RNF128: variants seen among roughly 807,000 people sequenced by gnomAD.
The protein encoded by RNF128 is E3 ubiquitin-protein ligase RNF128.
RNF128 carries 13 observed loss-of-function variants against 26.2 expected under a neutral mutation model. The ratio of observed to expected loss-of-function variants is 0.50; its 90% CI spans 0.32 to 0.79. The LOEUF (loss-of-function observed/expected upper bound fraction) is 0.79, where lower values mean the gene tolerates loss of function less well. RNF128 is among the 30% of genes least tolerant of loss of function. The probability of loss-of-function intolerance (pLI) is 0.03; values close to 1 mark genes in which losing one functional copy is unlikely to be tolerated. For synonymous variants in RNF128, 149 were observed against 142.5 expected, an observed-to-expected ratio of 1.05 and a Z score of -0.32; for missense variants, 315 against 349.7, an observed-to-expected ratio of 0.90 and a Z score of 0.79.
intron 1 of RNF128, among the ~76,000 whole-genome samples, chrX:106,737,039 G>A (rs181793175): frequency 2.6e-3 from 289 of 111,094 alleles, no homozygotes; most frequent in African/African-American, 9.2e-3. Flanking sequence ...TCTGTGTCAT[G>A]TTGACCAAAG....
At chrX:106,780,330 A>G (rs1930543201) in intron 2 of RNF128, among the ~76,000 whole-genome samples, 1 of 111,500 alleles carries the variant, frequency 9.0e-6, no homozygotes, top group Non-Finnish European at 1.9e-5. Flanking sequence ...TTGGTTTGAC[A>G]TTTTATCATC....
intron 6 of RNF128, among the ~76,000 whole-genome samples, chrX:106,792,249 A>C (rs1930840514): frequency 9.1e-6 from 1 of 109,892 alleles, no homozygotes; most frequent in South Asian, 3.9e-4. Flanking sequence ...GTACTCTCAT[A>C]ATTGTGTGGT....
chrX:106,700,907 A>G (rs1216101308), intron 1 of RNF128, among the ~76,000 whole-genome samples: 1 of 112,081 alleles, frequency 8.9e-6, no homozygotes, highest in African/African-American at 3.2e-5. Context: ...ATTGCATTAT[A>G]TTAATATTGC....
chrX:106,770,918 G>C (rs775964318), intron 1 of RNF128, among the ~76,000 whole-genome samples: 1 of 111,958 alleles, frequency 8.9e-6, no homozygotes, highest in African/African-American at 3.2e-5. Flanking sequence ...TGATGGTGAC[G>C]TACTGACAGG....
intron 1 of RNF128, among the ~76,000 whole-genome samples, chrX:106,769,546 G>GTTTTTTTT (rs752900867): frequency 9.2e-5 from 6 of 65,107 alleles, no homozygotes; most frequent in African/African-American, 1.2e-4. Flanking sequence ...CACCTGCTTT[G>GTTTTTTTT]TTTTTTTTTT....
Position 106,716,609 on chromosome X carries a change from A to G in RNF128, c.406+22201A>G, listed in dbSNP as rs1015723975. On this transcript the variant is annotated intron_variant, in intron 1 of 6. Transcript: ENST00000324342. ...TCTATGTAAATTATACCTCAACAAA[A>G]ACGTTAGGAAAAAATCATACCAGCT... 1.2e-4 allele frequency among the ~76,000 whole-genome samples: 13 copies of G among 110,629 alleles called. No homozygotes were observed. In the Admixed American group the frequency reaches 1.3e-3, roughly 11 times the overall value.
At chrX:106,704,891 G>A (rs377067941) in intron 1 of RNF128, among the ~76,000 whole-genome samples, 34 of 111,949 alleles carry the variant, frequency 3.0e-4, no homozygotes, top group African/African-American at 1.1e-3. Context: ...TATGGTACTT[G>A]GTTTATCAAT....
chrX:106,760,956 A>G (rs1288560303), intron 1 of RNF128, among the ~76,000 whole-genome samples: 1 of 112,147 alleles, frequency 8.9e-6, no homozygotes, highest in Admixed American at 9.5e-5. Flanking sequence ...TTGCATAGCA[A>G]AAGAAACTAT....
chrX:106,780,529 A>G (rs1930547203), intron 2 of RNF128, among the ~76,000 whole-genome samples: 1 of 112,096 alleles, frequency 8.9e-6, no homozygotes, highest in South Asian at 3.7e-4. Flanking sequence ...TAGACCAGGT[A>G]TCTCTTAGGA....
At chrX:106,724,654 G>A (rs770467592), upstream of RNF128, among the ~76,000 whole-genome samples, 1 of 111,310 alleles carries the variant, frequency 9.0e-6, no homozygotes, top group Non-Finnish European at 1.9e-5. Flanking sequence ...GTTGTTTTCT[G>A]CCTAGAAAAG....
chrX:106,784,276 G>A (rs1361469455), intron 2 of RNF128, among the ~76,000 whole-genome samples: 2 of 111,319 alleles, frequency 1.8e-5, no homozygotes, highest in Non-Finnish European at 3.8e-5. Context: ...GAGGGACAAT[G>A]TGTTATTGAA....
intron 1 of RNF128, among the ~76,000 whole-genome samples, chrX:106,750,039 A>G (rs1467136453): frequency 8.9e-6 from 1 of 112,446 alleles, no homozygotes; most frequent in Admixed American, 9.4e-5. Context: ...AGAAGTGGGG[A>G]AAGAGTAGAA....
At chrX:106,726,691 C>G, upstream of RNF128, 1 of 1,018,512 alleles carries the variant, frequency 9.8e-7, no homozygotes, top group East Asian at 4.1e-5. Context: ...CAGAGCCCGA[C>G]GCGGCAGCCG....
chrX:106,744,130 T>G (rs1470593745), intron 1 of RNF128, among the ~76,000 whole-genome samples: 9 of 110,875 alleles, frequency 8.1e-5, no homozygotes, highest in Non-Finnish European at 1.7e-4. Context: ...GGGATAGCAT[T>G]AGGAGATATA....
chrX:106,758,896 C>A (rs993094904), intron 1 of RNF128, among the ~76,000 whole-genome samples: 1 of 111,446 alleles, frequency 9.0e-6, no homozygotes, highest in African/African-American at 3.3e-5. Context: ...AGCAATACCC[C>A]ACCACAAGTA....
At chrX:106,694,215 G>A in exon 1 of RNF128, 3 of 1,210,130 alleles carry the variant, frequency 2.5e-6, no homozygotes, top group Non-Finnish European at 3.4e-6. Context: ...GCATCCCTAA[G>A]AACAATAACT....
intron 1 of RNF128, among the ~76,000 whole-genome samples, chrX:106,747,098 T>C (rs1455815021): frequency 8.9e-6 from 1 of 112,085 alleles, no homozygotes; most frequent in Non-Finnish European, 1.9e-5. Flanking sequence ...TATTCAACTC[T>C]GAAAATGTAA....
intron 1 of RNF128, among the ~76,000 whole-genome samples, chrX:106,766,854 A>C (rs942956248): frequency 6.3e-5 from 7 of 111,710 alleles, no homozygotes; most frequent in African/African-American, 2.3e-4. Flanking sequence ...TTTAGGTCTA[A>C]TATTTAGGTC....
At chrX:106,706,122 G>A (rs1394382184) in intron 1 of RNF128, among the ~76,000 whole-genome samples, 1 of 111,620 alleles carries the variant, frequency 9.0e-6, no homozygotes, top group Non-Finnish European at 1.9e-5. Flanking sequence ...AAGGGATGAA[G>A]AGAAACCCTA....
Sources: gnomAD v4.1 joint callset for allele counts (sites outside exome capture counted in the v4.1 genomes callset) on GRCh38, gnomAD v4.1.1 for gene constraint, MANE v1.5 for transcripts, NCBI Gene and HGNC (gene_info 2026-07-23, HGNC 2026-07-21) for gene names.